UNC5D: variants seen among roughly 807,000 people sequenced by gnomAD.
UNC5D encodes netrin receptor UNC5D.
Under a neutral mutation model 105.4 loss-of-function variants are expected in UNC5D, and 39 were observed. The observed-to-expected ratio is 0.37, with a 90% confidence interval of 0.29 to 0.48. The LOEUF (loss-of-function observed/expected upper bound fraction) is 0.48, where lower values mean the gene tolerates loss of function less well. Ranked by LOEUF, UNC5D falls within the 20% of genes least tolerant of loss-of-function variation. UNC5D has a pLI of 0.98. For missense variants in UNC5D, 991 were observed against 1,202.4 expected, an observed-to-expected ratio of 0.82 and a Z score of 2.60; for synonymous variants, 452 against 450.4, an observed-to-expected ratio of 1.00 and a Z score of -0.04.
Position 35,525,683 on chromosome 8 carries a change from G to A in UNC5D, c.104-23609G>A, listed in dbSNP as rs940426733. The A allele has an allele frequency of 1.3e-5, 21 of 1,607,750 alleles. No homozygotes were observed. The Admixed American group carries it at 2.5e-4, about 19-fold the overall frequency. ...ATTGGTAGTCAAAGGCTACCACCTCGCCCTGCAGCCGCTGCTCCTGGCACG... is the reference window on the plus strand; with the variant it reads ...ATTGGTAGTCAAAGGCTACCACCTCACCCTGCAGCCGCTGCTCCTGGCACG... On this transcript the variant is annotated intron_variant, in intron 1 of 16. Transcript: ENST00000404895.
intron 1 of UNC5D, among the ~76,000 whole-genome samples, chr8:35,415,231 G>C (rs1043761255): frequency 6.6e-6 from 1 of 152,090 alleles, no homozygotes; most frequent in African/African-American, 2.4e-5. Context: ...ATTGTGTGTT[G>C]ATGGACTGAC....
chr8:35,329,430 G>T (rs1309606285), intron 1 of UNC5D, among the ~76,000 whole-genome samples: 1 of 143,266 alleles, frequency 7.0e-6, no homozygotes, highest in African/African-American at 2.6e-5. Context: ...TATATATATG[G>T]GGAAAAAAAA....
chr8:35,315,186 T>C (rs1228754766), intron 1 of UNC5D, among the ~76,000 whole-genome samples: 1 of 152,190 alleles, frequency 6.6e-6, no homozygotes, highest in Non-Finnish European at 1.5e-5. Context: ...TATTAACTCA[T>C]TCAATTGTAT....
chr8:35,669,762 C>CAA (rs1292276891), intron 4 of UNC5D, among the ~76,000 whole-genome samples: 1 of 151,944 alleles, frequency 6.6e-6, no homozygotes, highest in Admixed American at 6.6e-5. Context: ...TGATAAGTTT[C>CAA]AAATATTTTA....
intron 1 of UNC5D, among the ~76,000 whole-genome samples, chr8:35,531,272 C>CA (rs1814350977): frequency 1.4e-5 from 1 of 73,142 alleles, no homozygotes; most frequent in East Asian, 3.7e-4. Context: ...TTTCAAAGAA[C>CA]ATCTTTATTT....
intron 11 of UNC5D, among the ~76,000 whole-genome samples, chr8:35,731,399 C>CCAAAAA (rs1280974908): frequency 6.5e-5 from 2 of 30,662 alleles, no homozygotes; most frequent in African/African-American, 1.3e-4. Context: ...ACTCTGTCTC[C>CCAAAAA]AAAAAAAAAA....
chr8:35,298,796 T>A lies in UNC5D; in HGVS notation c.103+62909T>A, dbSNP rs189919136. On this transcript the variant is annotated intron_variant, in intron 1 of 16. Transcript: ENST00000404895. ...GATATATACTTGGCAGTACTGAATT[T>A]AAGTATTGGCATTTGCCCTTTCAAA... Among the ~76,000 whole-genome samples, 274 of 152,336 alleles carry A rather than the reference T, an allele frequency of 1.8e-3. 3 individuals are homozygous for A. Among genetic ancestry groups the A allele is most frequent in the African/African-American group, 6.3e-3 (260 of 41,574 alleles).
In UNC5D at chr8:35,766,980, A is replaced by G; in HGVS notation, c.2392A>G (p.Thr798Ala). 3 of 1,614,042 alleles carry G rather than the reference A, an allele frequency of 1.9e-6. No individual in the cohort carries two copies. The highest frequency in any genetic ancestry group is 1.7e-6 in the Non-Finnish European group (2 of 1,179,966). ...CTTCTCCCTGGAGCGTTATACGCCC[A>G]CTACCACCCAGCTGTCCTGCAAAAT... ...CAFSLERYTPTTTQLSCKICI... is the reference protein window; with the variant it reads ...CAFSLERYTPATTQLSCKICI... Residue 798 changes from threonine (T) to alanine (A), a missense_variant, in exon 15 of 17, where the codon ACT becomes GCT. By Grantham distance (58) the Thr-to-Ala change is moderately conservative. Around this residue, in one of 3 missense-constraint regions of UNC5D, gnomAD observed 944 missense variants for 1,131.6 expected, o/e 0.83. Coordinates refer to ENST00000404895, the MANE Select transcript of UNC5D (RefSeq NM_080872.4).
chr8:35,721,425 T>C, intron 8 of UNC5D: 1 of 702,974 alleles, frequency 1.4e-6, no homozygotes, highest in South Asian at 1.5e-5. Flanking sequence ...ACTAACGCTT[T>C]TATTTTTGCT....
intron 1 of UNC5D, among the ~76,000 whole-genome samples, chr8:35,404,361 G>A (rs1804669055): frequency 6.6e-6 from 1 of 152,136 alleles, no homozygotes; most frequent in South Asian, 2.1e-4. Context: ...GGTTTGAGAA[G>A]GAATAGAAGG....
chr8:35,304,801 C>T (rs1168212647), intron 1 of UNC5D, among the ~76,000 whole-genome samples: 1 of 152,054 alleles, frequency 6.6e-6, no homozygotes, highest in Non-Finnish European at 1.5e-5. Context: ...GCTCTATTTA[C>T]TGTGTCTGCA....
intron 1 of UNC5D, among the ~76,000 whole-genome samples, chr8:35,305,623 T>TTCTTTCTTTCTC (rs1489760164): frequency 2.2e-5 from 2 of 91,518 alleles, no homozygotes; most frequent in Non-Finnish European, 4.5e-5. Context: ...CTTTCTTTCT[T>TTCTTTCTTTCTC]TTTCTTTCTC....
At chr8:35,634,186 A>G (rs1438686406) in intron 4 of UNC5D, among the ~76,000 whole-genome samples, 2 of 152,212 alleles carry the variant, frequency 1.3e-5, no homozygotes, top group Non-Finnish European at 2.9e-5. Flanking sequence ...GTAAACTCCA[A>G]AGTGAGATGA....
chr8:35,526,954 G>A (rs73674013), intron 1 of UNC5D, among the ~76,000 whole-genome samples: 7,117 of 152,164 alleles, frequency 0.047, 488 homozygotes, highest in African/African-American at 0.15. Context: ...TATCCATCAT[G>A]GGTCAAAACT....
chr8:35,374,970 C>A (rs1023899007), intron 1 of UNC5D, among the ~76,000 whole-genome samples: 1 of 152,030 alleles, frequency 6.6e-6, no homozygotes, highest in African/African-American at 2.4e-5. Flanking sequence ...GCTAAATGTT[C>A]TTTTTACAAC....
chr8:35,741,487 T>C (rs1829759399), intron 11 of UNC5D, among the ~76,000 whole-genome samples: 1 of 152,198 alleles, frequency 6.6e-6, no homozygotes, highest in Non-Finnish European at 1.5e-5. Context: ...CTGCTCCTTT[T>C]CCTGCCCCTA....
At chr8:35,476,562 C>T (rs1161290556) in intron 1 of UNC5D, among the ~76,000 whole-genome samples, 1 of 152,182 alleles carries the variant, frequency 6.6e-6, no homozygotes, top group Non-Finnish European at 1.5e-5. Flanking sequence ...CTGAACCTTA[C>T]CTCCAGGGTC....
At chr8:35,483,729 T>C (rs1459673005) in intron 1 of UNC5D, among the ~76,000 whole-genome samples, 2 of 152,222 alleles carry the variant, frequency 1.3e-5, no homozygotes, top group Non-Finnish European at 2.9e-5. Context: ...GGCTTTTTTC[T>C]ACCCACCCCT....
At chr8:35,427,295 A>C (rs1806316744) in intron 1 of UNC5D, among the ~76,000 whole-genome samples, 1 of 152,202 alleles carries the variant, frequency 6.6e-6, no homozygotes, top group South Asian at 2.1e-4. Flanking sequence ...TCACATGCAC[A>C]TAGGTGAGTA....
Sources: allele counts gnomAD v4.1 joint callset (sites outside exome capture counted in the v4.1 genomes callset), GRCh38; gene constraint gnomAD v4.1.1; regional missense constraint gnomAD v4.1.1; transcripts MANE v1.5; gene names NCBI Gene and HGNC (gene_info 2026-07-23, HGNC 2026-07-21).